The following CD163 variants were observed in gnomAD, a reference collection of about 807,000 sequenced individuals.
CD163 encodes CD163 molecule, also known as scavenger receptor cysteine-rich type 1 protein M130.
A neutral mutation model predicts 129.2 loss-of-function variants in CD163; 64 were observed. The ratio of observed to expected loss-of-function variants is 0.50; its 90% CI spans 0.41 to 0.61. CD163 has a LOEUF of 0.61. Ranked by LOEUF, CD163 falls within the 20% of genes least tolerant of loss-of-function variation. The pLI is 0.00. For synonymous variants in CD163, 446 were observed against 478.5 expected, an observed-to-expected ratio of 0.93 and a Z score of 0.89; for missense variants, 1,061 against 1,377.9, an observed-to-expected ratio of 0.77 and a Z score of 3.64.
chr12:7,479,848 C>T lies in CD163; in HGVS notation c.*31+12G>A, dbSNP rs747278931. 11 of 1,609,574 alleles carry T rather than the reference C, an allele frequency of 6.8e-6. No individual in the cohort carries two copies. The highest frequency in any genetic ancestry group is 9.3e-6 in the Non-Finnish European group (11 of 1,178,360). Reference sequence around the variant, plus strand: ...TGTTTTGAACAATGACTAATAAATTCTCATCACTCACCTCACTGGGTTATA... The same window carrying T: ...TGTTTTGAACAATGACTAATAAATTTTCATCACTCACCTCACTGGGTTATA... On this transcript the variant is annotated intron_variant, in intron 16 of 16. Coordinates refer to ENST00000432237, the MANE Select transcript of CD163 (RefSeq NM_203416.4).
At chr12:7,472,218 T>C (rs77556472) in intron 16 of CD163, among the ~76,000 whole-genome samples, 17,245 of 152,218 alleles carry the variant, frequency 0.11, 1,274 homozygotes, top group Admixed American at 0.25. Flanking sequence ...GCGCTCGAGC[T>C]CTGCTAAGGG....
intron 12 of CD163, 141 bp downstream of exon 12, chr12:7,483,226 T>C (rs749749735): frequency 3.7e-5 from 31 of 848,616 alleles, no homozygotes; most frequent in African/African-American, 2.0e-4. Flanking sequence ...CATCATTCTT[T>C]CAGTAGAGAC....
intron 4 of CD163, 48 bp downstream of exon 4, chr12:7,498,820 T>C (rs767636265): frequency 1.3e-6 from 2 of 1,525,764 alleles, no homozygotes; most frequent in Non-Finnish European, 1.8e-6. Flanking sequence ...ATTACCCCTT[T>C]CTTTTGTCCT....
rs371665871 is a variant in CD163, at chr12:7,479,499, T to A, written c.*31+361A>T. ...AGTTTCTTAGGCAAACTTTCTGTAGTGCCTTGTACAGTCTTTACCATAGCA... is the reference window on the plus strand; with the variant it reads ...AGTTTCTTAGGCAAACTTTCTGTAGAGCCTTGTACAGTCTTTACCATAGCA... On this transcript the variant is annotated intron_variant, in intron 16 of 16. Transcript: ENST00000432237. Among the ~76,000 whole-genome samples, 47 of 152,278 alleles carry A rather than the reference T, an allele frequency of 3.1e-4. No individual in the cohort carries two copies. The South Asian group carries it at 9.1e-3, about 30-fold the overall frequency.
At chr12:7,494,455 TG>T (rs1255297756) in intron 6 of CD163, among the ~76,000 whole-genome samples, 3 of 152,246 alleles carry the variant, frequency 2.0e-5, no homozygotes, top group African/African-American at 7.2e-5. Flanking sequence ...GTTTCCATTC[TG>T]TGAGGTCTCT....
chr12:7,484,802 A>G (rs1320544093), intron 11 of CD163, among the ~76,000 whole-genome samples: 2 of 152,222 alleles, frequency 1.3e-5, no homozygotes, highest in African/African-American at 2.4e-5. Flanking sequence ...TAAACCACAT[A>G]TTCTCTCCTC....
chr12:7,482,593 G>A (rs2136697161), intron 14 of CD163, 50 bp downstream of exon 14: 3 of 1,589,256 alleles, frequency 1.9e-6, no homozygotes, highest in Non-Finnish European at 1.7e-6. Flanking sequence ...CGTCTTACAA[G>A]AACCCCCTTA....
chr12:7,497,006 CA>C lies in CD163; in HGVS notation c.905del (p.Val302GlyfsTer62). 1 of 1,614,046 alleles carries C rather than the reference CA, an allele frequency of 6.2e-7. No homozygotes were observed. ...TTGGACATCCCAGTTGCTTGCATGC[CA>C]CAGCAGCATCGTAACTGTCCCAGCC... is the stretch of plus-strand genomic sequence containing the variant. ...DDGWDSYDAA[V>X]ACKQLGCPTA... On this transcript the variant is annotated frameshift_variant, in exon 5 of 17. Transcript: ENST00000432237. LOFTEE classifies it high-confidence loss of function.
intron 14 of CD163, among the ~76,000 whole-genome samples, chr12:7,481,834 C>G (rs2136695910): frequency 6.6e-6 from 1 of 152,166 alleles, no homozygotes; most frequent in African/African-American, 2.4e-5. Flanking sequence ...TTTTCTCCCC[C>G]CGCCCCTCAG....
At position 7,483,388 on chromosome 12, in the gene CD163, C is replaced by A; in HGVS notation, c.3067G>T (p.Asp1023Tyr). The part of the protein sequence containing the change: ...WGHSECGHKE[D>Y]AAVNCTDISV... ...TTACCTGTGCAATTCACTGCAGCGT[C>A]TTCCTTGTGCCCACACTCACTATGG... Residue 1023 changes from aspartate (D) to tyrosine (Y), a missense_variant, in exon 12 of 17, where the codon GAC (aspartate) becomes TAC (tyrosine). Coordinates refer to ENST00000432237, the MANE Select transcript of CD163 (RefSeq NM_203416.4). 6.2e-7 allele frequency: 1 copy of A among 1,613,756 alleles called. No homozygotes were observed. Among genetic ancestry groups the A allele is most frequent in the African/African-American group, 1.3e-5 (1 of 75,042 alleles).
chr12:7,478,598 G>A (rs1400930684), intron 16 of CD163, among the ~76,000 whole-genome samples: 2 of 152,068 alleles, frequency 1.3e-5, no homozygotes, highest in East Asian at 3.9e-4. Flanking sequence ...CAGTTTCTAA[G>A]AACTCTATGT....
chr12:7,485,231 T>G lies in CD163; in HGVS notation c.2644A>C (p.Lys882Gln), dbSNP rs1949231954. 6.2e-7 allele frequency: 1 copy of G among 1,614,082 alleles called. No homozygotes were observed. Among genetic ancestry groups the G allele is most frequent in the African/African-American group, 1.3e-5 (1 of 74,926 alleles). Residue 882 changes from lysine (K) to glutamine (Q), a missense_variant, in exon 11 of 17, where the codon AAG becomes CAG. Physicochemically the swap from Lys to Gln is moderately conservative, Grantham distance 53. Coordinates refer to ENST00000432237, the MANE Select transcript of CD163 (RefSeq NM_203416.4). This position sits in a 1 kb window ranked among gnomAD's most constrained non-coding sequence, Gnocchi z 4.5. ...ACCCACATGGGAATGGACATGGCCT[T>G]GTCTAAAGATGCAGGGTTGATTTTC... ...KGKINPASLD[K>Q]AMSIPMWVDN...
chr12:7,503,062 A>G (rs1949516285), intron 1 of CD163, among the ~76,000 whole-genome samples: 1 of 152,172 alleles, frequency 6.6e-6, no homozygotes, highest in Non-Finnish European at 1.5e-5. Context: ...ACCTGGCTTG[A>G]TGCTTGCCAA....
rs768308214 is a variant in CD163 at position 7,502,466 on chromosome 12, C to G, written c.133+12G>C. 3 of 1,548,124 alleles carry G rather than the reference C, an allele frequency of 1.9e-6. No homozygotes were observed. The highest frequency in any genetic ancestry group is 2.7e-6 in the Non-Finnish European group (3 of 1,119,496). ...GGGCTAAGGCTGTAAGTAAATTTGA[C>G]AAAGTACTCACCAAGAGAACTGGTG... On this transcript the variant is annotated intron_variant, in intron 2 of 16. Transcript: ENST00000432237.
chr12:7,481,745 C>G (rs1045889834), intron 14 of CD163, among the ~76,000 whole-genome samples: 3 of 152,182 alleles, frequency 2.0e-5, no homozygotes, highest in African/African-American at 7.2e-5. Context: ...GACTATGAAT[C>G]TTATGTGAAA....
chr12:7,502,794 G>A, intron 1 of CD163: 1 of 573,348 alleles, frequency 1.7e-6, no homozygotes, highest in Non-Finnish European at 3.1e-6. Flanking sequence ...CGGATTAGCA[G>A]AAGGTTGGTG....
chr12:7,471,525 T>C (rs1949004582), intron 16 of CD163, 128 bp from the exon 17 acceptor site: 1 of 147,100 alleles, frequency 6.8e-6, no homozygotes, highest in Non-Finnish European at 1.5e-5. Context: ...AAATTTTAAA[T>C]GCTATTTTTT....
At chr12:7,494,534 A>C (rs1156239243) in intron 6 of CD163, among the ~76,000 whole-genome samples, 3 of 152,310 alleles carry the variant, frequency 2.0e-5, no homozygotes, top group South Asian at 4.1e-4. Flanking sequence ...TAAAAGTTAC[A>C]TTTACTTTAG....
intron 4 of CD163, among the ~76,000 whole-genome samples, chr12:7,498,085 T>C (rs1949426475): frequency 6.6e-6 from 1 of 152,050 alleles, no homozygotes; most frequent in Non-Finnish European, 1.5e-5. Flanking sequence ...GCCAGTATTC[T>C]CTTCTTTTTA....
Sources: gnomAD v4.1 joint callset for allele counts (sites outside exome capture counted in the v4.1 genomes callset) on GRCh38, gnomAD v4.1.1 for gene constraint, Gnocchi (gnomAD v3.1) non-coding constraint, MANE v1.5 for transcripts, NCBI Gene and HGNC (gene_info 2026-07-23, HGNC 2026-07-21) for gene names.